Variants in SYN3 observed in about 807,000 individuals in gnomAD.
SYN3 encodes synapsin-3.
A neutral mutation model predicts 65.8 loss-of-function variants in SYN3; 35 were observed. The ratio of observed to expected loss-of-function variants is 0.53; its 90% CI spans 0.41 to 0.70. The LOEUF is 0.70. SYN3 is among the 30% of genes least tolerant of loss of function. The probability of loss-of-function intolerance (pLI) is 0.00; values close to 1 mark genes in which losing one functional copy is unlikely to be tolerated. For synonymous variants in SYN3, 270 were observed against 292.9 expected (o/e 0.92, Z 0.80); for missense variants, 680 against 749.0 (o/e 0.91, Z 1.08).
intron 6 of SYN3, among the ~76,000 whole-genome samples, chr22:32,662,590 C>T (rs939726670): frequency 3.3e-5 from 5 of 152,186 alleles, no homozygotes; most frequent in Non-Finnish European, 5.9e-5. Context: ...ACTGACCTTT[C>T]CAAGTTCCTC....
At chr22:32,911,565 G>A (rs2050052371) in intron 4 of SYN3, among the ~76,000 whole-genome samples, 1 of 152,156 alleles carries the variant, frequency 6.6e-6, no homozygotes, top group South Asian at 2.1e-4. Context: ...GCAGGAGCAT[G>A]GAGGCAGCGC....
intron 6 of SYN3, among the ~76,000 whole-genome samples, chr22:32,616,277 A>G (rs1464378312): frequency 6.6e-6 from 1 of 151,808 alleles, no homozygotes; most frequent in African/African-American, 2.4e-5. Flanking sequence ...CTGCAGGCTC[A>G]GTGGCCCAGG....
chr22:32,643,863 G>A (rs911248057), intron 6 of SYN3, among the ~76,000 whole-genome samples: 1 of 151,520 alleles, frequency 6.6e-6, no homozygotes, highest in African/African-American at 2.4e-5. Flanking sequence ...AGGCCGAGGC[G>A]GGTGGATCAC....
At chr22:32,633,105 C>T (rs1313925062) in intron 6 of SYN3, among the ~76,000 whole-genome samples, 2 of 152,228 alleles carry the variant, frequency 1.3e-5, no homozygotes, top group Non-Finnish European at 2.9e-5. Context: ...GGAATAACCG[C>T]ACATTGCCTC....
chr22:32,724,954 A>G (rs1160533832), intron 6 of SYN3, among the ~76,000 whole-genome samples: 1 of 152,200 alleles, frequency 6.6e-6, no homozygotes, highest in African/African-American at 2.4e-5. Context: ...TCCTGTCTCT[A>G]CTAAAGATAC....
chr22:32,999,857 G>T (rs1395303730), intron 2 of SYN3, among the ~76,000 whole-genome samples: 1 of 152,138 alleles, frequency 6.6e-6, no homozygotes, highest in African/African-American at 2.4e-5. Flanking sequence ...GCAGGCAGGA[G>T]CAAAGTGAAA....
intron 6 of SYN3, among the ~76,000 whole-genome samples, chr22:32,678,520 C>T (rs130753): frequency 0.29 from 43,955 of 151,866 alleles, 7,379 homozygotes; most frequent in Middle Eastern, 0.4. Flanking sequence ...TCATCCTTGT[C>T]GTTGAAAGAC....
intron 7 of SYN3, among the ~76,000 whole-genome samples, chr22:32,585,723 A>G (rs537329944): frequency 7.1e-6 from 1 of 140,816 alleles, no homozygotes; most frequent in Non-Finnish European, 1.5e-5. Flanking sequence ...ACAGGTGAAC[A>G]TTGGGTTACA....
chr22:32,616,735 T>C (rs977664911), intron 6 of SYN3, among the ~76,000 whole-genome samples: 2 of 152,012 alleles, frequency 1.3e-5, no homozygotes, highest in Non-Finnish European at 2.9e-5. Context: ...CTCAGAAATA[T>C]CAACATTCAG....
chr22:32,858,284 A>G (rs2048434097), intron 6 of SYN3: 10 of 1,181,214 alleles, frequency 8.5e-6, no homozygotes, highest in Admixed American at 5.2e-5. Flanking sequence ...GTCTGAGCAG[A>G]TATAGTAAGG....
rs1056095418 is a variant in SYN3, at chr22:32,685,698, C to T, written c.712-88962G>A. On this transcript the variant is annotated intron_variant, in intron 6 of 13. Transcript: ENST00000358763. ...GCGCTCTGTGATGTTCACATAATGACGAAATTGGCTAATGATGCATTGCTC... is the reference window on the plus strand; with the variant it reads ...GCGCTCTGTGATGTTCACATAATGATGAAATTGGCTAATGATGCATTGCTC... Among the ~76,000 whole-genome samples the T allele has an allele frequency of 8.3e-3, 1,267 of 152,244 alleles. 22 individuals are homozygous for T. The highest frequency in any genetic ancestry group is 0.029 in the African/African-American group (1,219 of 41,538).
At chr22:32,726,420 T>C (rs548626713) in intron 6 of SYN3, among the ~76,000 whole-genome samples, 12 of 152,134 alleles carry the variant, frequency 7.9e-5, no homozygotes, top group South Asian at 2.1e-4. Flanking sequence ...GGATTACAGG[T>C]GTGAGCCACC....
At chr22:33,001,383 A>G (rs1404466338) in intron 2 of SYN3, among the ~76,000 whole-genome samples, 1 of 152,134 alleles carries the variant, frequency 6.6e-6, no homozygotes, top group African/African-American at 2.4e-5. Context: ...TTGCATTTCA[A>G]CCTCATTCAC....
chr22:32,671,377 T>TGCACACTCACCC (rs1474644330), intron 6 of SYN3, among the ~76,000 whole-genome samples: 1 of 151,822 alleles, frequency 6.6e-6, no homozygotes, highest in Non-Finnish European at 1.5e-5. Flanking sequence ...CACACTCACC[T>TGCACACTCACCC]GCACACTCAC....
chr22:32,559,925 C>A (rs1036186426), intron 7 of SYN3, among the ~76,000 whole-genome samples: 4 of 152,098 alleles, frequency 2.6e-5, no homozygotes, highest in Non-Finnish European at 5.9e-5. Flanking sequence ...TGGGCTCAAG[C>A]CTGTGCACTA....
intron 3 of SYN3, among the ~76,000 whole-genome samples, chr22:32,958,384 AG>A (rs1158955051): frequency 6.6e-6 from 1 of 152,202 alleles, no homozygotes; most frequent in African/African-American, 2.4e-5. Flanking sequence ...GCAATACCCA[AG>A]GGTGGTGATG....
intron 5 of SYN3, among the ~76,000 whole-genome samples, chr22:32,867,877 G>C (rs2048728919): frequency 1.3e-5 from 2 of 152,224 alleles, no homozygotes; most frequent in African/African-American, 2.4e-5. Context: ...CACCGTGTCT[G>C]GCGAGGAGTG....
At chr22:32,872,653 T>C (rs1335793185) in intron 4 of SYN3, among the ~76,000 whole-genome samples, 2 of 152,184 alleles carry the variant, frequency 1.3e-5, no homozygotes, top group African/African-American at 4.8e-5. Context: ...TAGGGTATGA[T>C]GGATATGCAA....
chr22:32,722,245 G>A (rs943105753), intron 6 of SYN3, among the ~76,000 whole-genome samples: 9 of 152,176 alleles, frequency 5.9e-5, no homozygotes, highest in African/African-American at 1.9e-4. Context: ...CCCACAGGGT[G>A]GTGAGTTGGG....
Sources: allele counts gnomAD v4.1 joint callset (sites outside exome capture counted in the v4.1 genomes callset), GRCh38; gene constraint gnomAD v4.1.1; transcripts MANE v1.5; gene names NCBI Gene and HGNC (gene_info 2026-07-23, HGNC 2026-07-21).